Variants in FADS3 observed in about 807,000 individuals in gnomAD.
FADS3 encodes the protein fatty acid desaturase 3, also known as cytochrome b5-related protein.
FADS3 carries 30 observed loss-of-function variants against 60.4 expected under a neutral mutation model. That is an observed-to-expected ratio of 0.50 (90% CI 0.37 to 0.67). FADS3 has a LOEUF of 0.67. FADS3 is among the 30% of genes least tolerant of loss of function. The pLI, the probability that FADS3 is intolerant of heterozygous loss-of-function variation, is 0.00. For missense variants in FADS3, 432 were observed against 598.3 expected, an observed-to-expected ratio of 0.72 and a Z score of 2.90; for synonymous variants, 234 against 249.3, an observed-to-expected ratio of 0.94 and a Z score of 0.58.
Position 61,876,381 on chromosome 11 carries a change from T to C in FADS3, c.1058A>G (p.His353Arg). The change falls in exon 9 of 12, where the codon CAC becomes CGC. Residue 353 changes from histidine to arginine, a missense_variant. Around this residue, in one of 5 missense-constraint regions of FADS3, gnomAD observed 48 missense variants for 101.3 expected, o/e 0.47. Coordinates refer to ENST00000278829, the MANE Select transcript of FADS3 (RefSeq NM_021727.5). The surrounding 1 kb of genome is among the most constrained non-coding windows in gnomAD (Gnocchi z 5.7). The stretch of plus-strand genomic sequence containing the variant: ...CACCTGAGAGCTGACCCAGTCCCGG[T>C]GCTTCTCGTGGCCGATCTCCTTGGG... ...HIPKEIGHEK[H>R]RDWVSSQLAA... The C allele has an allele frequency of 1.9e-6, 3 of 1,612,802 alleles. No homozygotes were observed. The highest frequency in any genetic ancestry group is 2.5e-6 in the Non-Finnish European group (3 of 1,179,858).
rs1320445402 is a variant in FADS3 at position 61,877,442 on chromosome 11, A to T, written c.885+69T>A. On this transcript the variant is annotated intron_variant, in intron 7 of 11. Transcript: ENST00000278829. This position sits in a 1 kb window ranked among gnomAD's most constrained non-coding sequence, Gnocchi z 4.7. ...ACCCTGTTTGCCTTCATGGGCAGGT[A>T]CTGTCCCCCGAGGCACCACCTCCTG... is the stretch of plus-strand genomic sequence containing the variant. 1.4e-6 allele frequency: 2 copies of T among 1,451,830 alleles called. No individual in the cohort carries two copies. Among genetic ancestry groups the T allele is most frequent in the Non-Finnish European group, 1.9e-6 (2 of 1,042,058 alleles). 89.9% of individuals were successfully genotyped at this position (1,451,830 alleles called of 1,614,324 possible). A position where few individuals can be genotyped will look rare whatever the true frequency, so the allele number is the denominator to read the frequency against.
rs1277734600 is a variant in FADS3 at position 61,878,612 on chromosome 11, T to A, written c.647A>T (p.Asn216Ile). 1.2e-6 allele frequency: 2 copies of A among 1,614,030 alleles called. No homozygotes were observed. Among genetic ancestry groups the A allele is most frequent in the Non-Finnish European group, 1.7e-6 (2 of 1,180,008 alleles). The change falls in exon 5 of 12, where the codon AAC becomes ATC. Residue 216 changes from asparagine (N) to isoleucine (I), a missense_variant. This residue lies in a region of FADS3 where 116 missense variants were observed against 208.9 expected (regional missense o/e 0.56). Coordinates refer to ENST00000278829, the MANE Select transcript of FADS3 (RefSeq NM_021727.5). Reference protein sequence around the residue: ...QLKGFSAHWWNFRHFQHHAKP... With the variant: ...QLKGFSAHWWIFRHFQHHAKP... ...GGCGTGGTGCTGGAAGTGGCGGAAG[T>A]TCCACCAGTGGGCGGAGAAGCCCTG...
chr11:61,873,875 G>A lies in FADS3; in HGVS notation c.1287-10C>T, dbSNP rs759692570. The A allele has an allele frequency of 4.3e-5, 68 of 1,598,768 alleles. No individual in the cohort carries two copies. Among genetic ancestry groups the A allele is most frequent in the Non-Finnish European group, 1.4e-5 (16 of 1,169,874 alleles). On this transcript the variant is annotated splice_polypyrimidine_tract_variant and intron_variant, in intron 11 of 11. Coordinates refer to ENST00000278829, the MANE Select transcript of FADS3 (RefSeq NM_021727.5). ...AGACTTCTTCAGGGACCTGGGAGGT[G>A]GGGGTGGCAGTGGGGGTGGGTGTTA...
In FADS3 at chr11:61,876,243, C is replaced by T. The variant is rs1937877486; in HGVS notation, c.1081-53G>A. ...AGGAGGCCGTTGCAGATCCCTGACCCCACGGCACCATCCCCCACCTGGCAG... is the reference window on the plus strand; with the variant it reads ...AGGAGGCCGTTGCAGATCCCTGACCTCACGGCACCATCCCCCACCTGGCAG... On this transcript the variant is annotated intron_variant, in intron 9 of 11. Coordinates refer to ENST00000278829, the MANE Select transcript of FADS3 (RefSeq NM_021727.5). The surrounding 1 kb of genome is among the most constrained non-coding windows in gnomAD (Gnocchi z 5.7). The T allele has an allele frequency of 6.3e-7, 1 of 1,574,804 alleles. No homozygotes were observed. The highest frequency in any genetic ancestry group is 1.8e-5 in the Admixed American group (1 of 54,380).
intron 1 of FADS3, among the ~76,000 whole-genome samples, chr11:61,887,176 G>A (rs747776437): frequency 2.6e-5 from 4 of 152,254 alleles, no homozygotes; most frequent in Admixed American, 6.5e-5. Flanking sequence ...ACCCAGAAGT[G>A]AAAGGATGTG....
At chr11:61,888,972 C>T (rs577672432) in intron 1 of FADS3, among the ~76,000 whole-genome samples, 2 of 152,262 alleles carry the variant, frequency 1.3e-5, no homozygotes, top group South Asian at 2.1e-4. Flanking sequence ...CTCGGCTCAC[C>T]GGAACCTCCG....
intron 1 of FADS3, among the ~76,000 whole-genome samples, chr11:61,884,851 G>A (rs764362063): frequency 9.2e-5 from 14 of 152,246 alleles, no homozygotes; most frequent in Admixed American, 4.6e-4. Context: ...GAATCAAAAC[G>A]GCACCCCTAA....
chr11:61,891,192 GGCCGAT>G lies in FADS3; in HGVS notation c.184_189del (p.Ile62_Gly63del). Reference sequence around the variant, plus strand: ...ACCGTGGCGTCCTCAGCGCCGTGGTGGCCGATGAGGCGGCTGCCCCCTGGGTGCCGC... The same window carrying G: ...ACCGTGGCGTCCTCAGCGCCGTGGTGGAGGCGGCTGCCCCCTGGGTGCCGC... On this transcript the variant is annotated inframe_deletion, in exon 1 of 12. Transcript: ENST00000278829. 6.4e-7 allele frequency: 1 copy of G among 1,563,272 alleles called. No individual in the cohort carries two copies. The highest frequency in any genetic ancestry group is 8.7e-7 in the Non-Finnish European group (1 of 1,154,062).
intron 1 of FADS3, among the ~76,000 whole-genome samples, chr11:61,886,020 A>C (rs558933779): frequency 6.6e-6 from 1 of 152,268 alleles, no homozygotes; most frequent in East Asian, 1.9e-4. Context: ...CCAAAGAAAC[A>C]CAGCTCTAAA....
intron 1 of FADS3, among the ~76,000 whole-genome samples, chr11:61,887,543 C>T (rs1387914625): frequency 2.0e-5 from 3 of 152,176 alleles, no homozygotes; most frequent in Admixed American, 1.3e-4. Context: ...TGAGCCAGCC[C>T]GGCCGCCTCT....
At chr11:61,890,460 G>C (rs1938464201) in intron 1 of FADS3, 1 of 152,396 alleles carries the variant, frequency 6.6e-6, no homozygotes, top group African/African-American at 2.4e-5. Flanking sequence ...TATTATGCAG[G>C]TGGGTAACTA....
rs1937758963 is a variant in FADS3, at chr11:61,873,658, A to T, written c.*156T>A. On this transcript the variant is annotated 3_prime_UTR_variant, in exon 12 of 12. Transcript: ENST00000278829. Reference sequence around the variant, plus strand: ...AGCCAAGGCCATAGGGCTGCTGAATACACATGTGAGGGGGCCGAGGGGAAG... The same window carrying T: ...AGCCAAGGCCATAGGGCTGCTGAATTCACATGTGAGGGGGCCGAGGGGAAG... 6.0e-6 allele frequency: 4 copies of T among 670,746 alleles called. No homozygotes were observed. Among genetic ancestry groups the T allele is most frequent in the Non-Finnish European group, 1.1e-5 (4 of 366,876 alleles). 41.5% of individuals were successfully genotyped at this position (670,746 alleles called of 1,614,324 possible).
Position 61,880,132 on chromosome 11 carries a change from T to A in FADS3, c.233A>T (p.His78Leu). 6.2e-7 allele frequency: 1 copy of A among 1,613,958 alleles called. No homozygotes were observed. Among genetic ancestry groups the A allele is most frequent in the Non-Finnish European group, 8.5e-7 (1 of 1,179,900 alleles). ...CTTGCGCACAAAATTGAGATCTTGA[T>A]GGAAGGCACGGAAGGCATCCTGAAG... is the stretch of plus-strand genomic sequence containing the variant. ...EDATDAFRAF[H>L]QDLNFVRKFL... The change falls in exon 2 of 12, where the codon CAT (histidine) becomes CTT (leucine). Residue 78 changes from histidine (H) to leucine (L), a missense_variant. His to Leu is a moderately conservative substitution (Grantham distance 99, BLOSUM62 -3). Coordinates refer to ENST00000278829, the MANE Select transcript of FADS3 (RefSeq NM_021727.5).
At chr11:61,882,714 G>A (rs1252396524) in intron 1 of FADS3, among the ~76,000 whole-genome samples, 2 of 152,012 alleles carry the variant, frequency 1.3e-5, no homozygotes, top group Non-Finnish European at 2.9e-5. Flanking sequence ...AGCCACACCT[G>A]GCCTCTAATT....
intron 1 of FADS3, among the ~76,000 whole-genome samples, chr11:61,884,850 C>T (rs1025642388): frequency 6.6e-6 from 1 of 152,196 alleles, no homozygotes; most frequent in Admixed American, 6.5e-5. Context: ...GGAATCAAAA[C>T]GGCACCCCTA....
intron 1 of FADS3, among the ~76,000 whole-genome samples, chr11:61,889,522 C>G (rs926911320): frequency 1.3e-5 from 2 of 152,240 alleles, no homozygotes; most frequent in East Asian, 1.9e-4. Flanking sequence ...TGGCGCGTGC[C>G]CGTAATCCCA....
intron 1 of FADS3, among the ~76,000 whole-genome samples, chr11:61,887,495 T>C (rs1478554559): frequency 6.6e-6 from 1 of 152,160 alleles, no homozygotes; most frequent in African/African-American, 2.4e-5. Context: ...CTCTTTAAAA[T>C]AAAGCCAAAG....
intron 5 of FADS3, 42 bp downstream of exon 5, chr11:61,878,467 AGCT>A: frequency 6.3e-7 from 1 of 1,599,748 alleles, no homozygotes; most frequent in Non-Finnish European, 8.5e-7. Context: ...GCTCCCCCTC[AGCT>A]GCAGGCCCAG....
chr11:61,875,379 GTTTTT>G (rs58200660), intron 11 of FADS3, among the ~76,000 whole-genome samples: 25,180 of 128,470 alleles, frequency 0.2, 3,014 homozygotes, highest in Middle Eastern at 0.35. Flanking sequence ...GCTAATTTTT[GTTTTT>G]TTTTTTTTTT....
Sources: gnomAD v4.1 joint callset for allele counts (sites outside exome capture counted in the v4.1 genomes callset) on GRCh38, gnomAD v4.1.1 for gene constraint, gnomAD v4.1.1 regional missense constraint, Gnocchi (gnomAD v3.1) non-coding constraint, MANE v1.5 for transcripts, NCBI Gene and HGNC (gene_info 2026-07-23, HGNC 2026-07-21) for gene names.